FGF12: variants seen among roughly 807,000 people sequenced by gnomAD.
The protein encoded by FGF12 is fibroblast growth factor 12.
FGF12 carries 14 observed loss-of-function variants against 23.6 expected under a neutral mutation model. The ratio of observed to expected loss-of-function variants is 0.59; its 90% CI spans 0.39 to 0.93. The LOEUF (loss-of-function observed/expected upper bound fraction) is 0.93, where lower values mean the gene tolerates loss of function less well. Ranked by LOEUF, FGF12 falls within the 40% of genes least tolerant of loss-of-function variation. FGF12 has a pLI of 0.00. For missense variants in FGF12, 175 were observed against 217.8 expected (o/e 0.80, Z 1.24); for synonymous variants, 62 against 77.3 (o/e 0.80, Z 1.04).
chr3:192,463,931 C>G (rs1722933971), intron 2 of FGF12, among the ~76,000 whole-genome samples: 1 of 152,140 alleles, frequency 6.6e-6, no homozygotes, highest in Non-Finnish European at 1.5e-5. Flanking sequence ...CCAACCCAAA[C>G]CCGGCTCACT....
intron 4 of FGF12, among the ~76,000 whole-genome samples, chr3:192,264,098 C>G (rs1467308151): frequency 6.6e-6 from 1 of 152,064 alleles, no homozygotes; most frequent in Non-Finnish European, 1.5e-5. Flanking sequence ...ATCCTCCCAT[C>G]AAGTAAACTA....
At chr3:192,499,327 T>G (rs1560130097) in intron 2 of FGF12, among the ~76,000 whole-genome samples, 1 of 151,260 alleles carries the variant, frequency 6.6e-6, no homozygotes, top group Non-Finnish European at 1.5e-5. Flanking sequence ...AGGTCACAAG[T>G]CTACAAATCC....
At position 192,143,742 on chromosome 3, in the gene FGF12, T is replaced by G; in HGVS notation, c.*267A>C. 1 of 358,754 alleles carries G rather than the reference T, an allele frequency of 2.8e-6. No homozygotes were observed. 22.2% of individuals were successfully genotyped at this position (358,754 alleles called of 1,614,324 possible). ...TAACAATACAGTTTAATTTAATATT[T>G]ATGGAGTTCTGATTTATTTTTTCCT... On this transcript the variant is annotated 3_prime_UTR_variant, in exon 6 of 6. Transcript: ENST00000445105.
chr3:192,672,348 A>C (rs1407943181), intron 2 of FGF12, among the ~76,000 whole-genome samples: 1 of 151,050 alleles, frequency 6.6e-6, no homozygotes, highest in Non-Finnish European at 1.5e-5. Context: ...AGTTATCTGA[A>C]TGTTCTTTTT....
chr3:192,145,369 T>C (rs1366504854), intron 5 of FGF12, among the ~76,000 whole-genome samples: 1 of 152,204 alleles, frequency 6.6e-6, no homozygotes. Context: ...GAATTTAGAA[T>C]ACAAGTGAGA....
intron 3 of FGF12, among the ~76,000 whole-genome samples, chr3:192,338,957 T>C (rs1442126561): frequency 6.6e-6 from 1 of 152,168 alleles, no homozygotes; most frequent in Admixed American, 6.5e-5. Context: ...CTGGTTTATG[T>C]AGCTGACCAT....
At chr3:192,585,336 A>T (rs1212307823) in intron 2 of FGF12, among the ~76,000 whole-genome samples, 1 of 152,206 alleles carries the variant, frequency 6.6e-6, no homozygotes, top group Non-Finnish European at 1.5e-5. Context: ...TATATGTTCT[A>T]CCATATATAA....
chr3:192,548,570 A>G (rs982867836), intron 2 of FGF12, among the ~76,000 whole-genome samples: 2 of 152,160 alleles, frequency 1.3e-5, no homozygotes, highest in African/African-American at 4.8e-5. Flanking sequence ...ATTTTCAGTG[A>G]CACTACAATG....
intron 4 of FGF12, among the ~76,000 whole-genome samples, chr3:192,330,799 C>T (rs1717075853): frequency 6.6e-6 from 1 of 152,094 alleles, no homozygotes; most frequent in South Asian, 2.1e-4. Flanking sequence ...GATTTGGCAA[C>T]TATATCTTGG....
chr3:192,291,194 T>C (rs1266231589), intron 4 of FGF12, among the ~76,000 whole-genome samples: 2 of 152,210 alleles, frequency 1.3e-5, no homozygotes, highest in Non-Finnish European at 2.9e-5. Context: ...ACATCTGATA[T>C]ATGTGTATAT....
chr3:192,487,965 C>A (rs188295341), intron 2 of FGF12, among the ~76,000 whole-genome samples: 292 of 152,196 alleles, frequency 1.9e-3, no homozygotes, highest in Middle Eastern at 3.4e-3. Context: ...ATGAGACATG[C>A]AGCACAATAT....
chr3:192,682,701 A>G (rs546404058), intron 2 of FGF12, among the ~76,000 whole-genome samples: 4 of 152,314 alleles, frequency 2.6e-5, no homozygotes, highest in East Asian at 3.9e-4. Context: ...TGCTGGGCCC[A>G]TGAACCACAC....
chr3:192,240,606 A>C (rs1372167333), intron 4 of FGF12, among the ~76,000 whole-genome samples: 1 of 152,158 alleles, frequency 6.6e-6, no homozygotes, highest in East Asian at 1.9e-4. Flanking sequence ...CCTAGTGCAC[A>C]GTGATTATCT....
At chr3:192,453,928 T>C (rs1722603168) in intron 2 of FGF12, among the ~76,000 whole-genome samples, 1 of 152,242 alleles carries the variant, frequency 6.6e-6, no homozygotes, top group African/African-American at 2.4e-5. Context: ...AATACATATT[T>C]AGGACCAAAG....
intron 2 of FGF12, among the ~76,000 whole-genome samples, chr3:192,718,722 T>C (rs1441287839): frequency 6.6e-6 from 1 of 152,182 alleles, no homozygotes; most frequent in African/African-American, 2.4e-5. Context: ...GTAGCACTTT[T>C]TTCCTCTTAG....
intron 2 of FGF12, among the ~76,000 whole-genome samples, chr3:192,378,196 G>T (rs1719656152): frequency 6.7e-6 from 1 of 148,200 alleles, no homozygotes; most frequent in African/African-American, 2.6e-5. Flanking sequence ...CTGCAGCTTC[G>T]AACTCCTGAG....
rs368688669 is a variant in FGF12, at chr3:192,333,974, G to A, written c.228+1387C>T. On this transcript the variant is annotated intron_variant, in intron 4 of 5. Coordinates refer to ENST00000445105, the MANE Select transcript of FGF12 (RefSeq NM_004113.6). Reference sequence around the variant, plus strand: ...TCAATGAACTTAAAGAACATACAATGAGCTGGGACAAAGTCTTTTGGGTCT... The same window carrying A: ...TCAATGAACTTAAAGAACATACAATAAGCTGGGACAAAGTCTTTTGGGTCT... 5.6e-4 allele frequency among the ~76,000 whole-genome samples: 85 copies of A among 152,178 alleles called. 1 individual carries two copies. The highest frequency in any genetic ancestry group is 2.0e-3 in the African/African-American group (81 of 41,530).
At chr3:192,202,721 G>A (rs1338264490) in intron 4 of FGF12, among the ~76,000 whole-genome samples, 1 of 152,000 alleles carries the variant, frequency 6.6e-6, no homozygotes, top group African/African-American at 2.4e-5. Context: ...TCTGAACTAC[G>A]GGTTCTATCA....
chr3:192,335,231 C>T lies in FGF12; in HGVS notation c.228+130G>A, dbSNP rs570480274. On this transcript the variant is annotated intron_variant, in intron 4 of 5. Coordinates refer to ENST00000445105, the MANE Select transcript of FGF12 (RefSeq NM_004113.6). ...AAATTACAAAACCTCAAAATAATCC[C>T]GAAAAACAGGATCACAAAATATAAA... 6.3e-4 allele frequency: 404 copies of T among 640,706 alleles called. 1 individual carries two copies. The highest frequency in any genetic ancestry group is 5.1e-3 in the Middle Eastern group (15 of 2,932). 39.7% of individuals were successfully genotyped at this position (640,706 alleles called of 1,614,324 possible). A position where few individuals can be genotyped will look rare whatever the true frequency, so the allele number is the denominator to read the frequency against.
Sources: gnomAD v4.1 joint callset for allele counts (sites outside exome capture counted in the v4.1 genomes callset) on GRCh38, gnomAD v4.1.1 for gene constraint, MANE v1.5 for transcripts, NCBI Gene and HGNC (gene_info 2026-07-23, HGNC 2026-07-21) for gene names.